ORC4: variants seen among roughly 807,000 people sequenced by gnomAD.
ORC4 encodes origin recognition complex subunit 4, also known as origin recognition complex, subunit 4 homolog.
Under a neutral mutation model 63.9 loss-of-function variants are expected in ORC4, and 55 were observed. The observed-to-expected ratio is 0.86, with a 90% CI of 0.69 to 1.08. ORC4 has a LOEUF of 1.08. Ranked by LOEUF, ORC4 falls within the 50% of genes least tolerant of loss-of-function variation. ORC4 has a pLI of 0.00. For missense variants in ORC4, 511 were observed against 504.4 expected, an observed-to-expected ratio of 1.01 and a Z score of -0.13; for synonymous variants, 150 against 168.5, an observed-to-expected ratio of 0.89 and a Z score of 0.85.
In ORC4 at chr2:147,932,973, G is replaced by GT. The variant is rs1457011374; in HGVS notation, c.*2536dup. 6.6e-6 allele frequency: 1 copy of GT among 152,112 alleles called. No individual in the cohort carries two copies. The highest frequency in any genetic ancestry group is 1.5e-5 in the Non-Finnish European group (1 of 67,998). 9.4% of individuals were successfully genotyped at this position (152,112 alleles called of 1,614,324 possible). A position where few individuals can be genotyped will look rare whatever the true frequency, so the allele number is the denominator to read the frequency against. On this transcript the variant is annotated 3_prime_UTR_variant, in exon 14 of 14. Transcript: ENST00000392857. ...TCAACATATACAGCATTATGATACA[G>GT]TAAGTTTGGACCAAACAGGTATTCA... is the stretch of plus-strand genomic sequence containing the variant.
rs1242096622 is a variant in ORC4 at position 147,987,411 on chromosome 2, C to CAG, written c.-17-11437_-17-11436insCT. 2.3e-3 allele frequency among the ~76,000 whole-genome samples: 339 copies of CAG among 146,640 alleles called. 2 individuals carry two copies. The highest frequency in any genetic ancestry group is 3.6e-3 in the Non-Finnish European group (242 of 66,592). Reference sequence around the variant, plus strand: ...ATATATACACACACACACACACACACAAAAAGTAACATATTTTAAATTATT... The same window carrying CAG: ...ATATATACACACACACACACACACACAGAAAAAGTAACATATTTTAAATTATT... On this transcript the variant is annotated intron_variant, in intron 1 of 13. Coordinates refer to ENST00000392857, the MANE Select transcript of ORC4 (RefSeq NM_181741.4).
chr2:147,990,964 G>A (rs542554066), intron 1 of ORC4, among the ~76,000 whole-genome samples: 1 of 151,918 alleles, frequency 6.6e-6, no homozygotes, highest in African/African-American at 2.4e-5. Flanking sequence ...ATGGCAGTAT[G>A]TCTGGAATCA....
chr2:147,995,902 A>T (rs555972095), intron 1 of ORC4, among the ~76,000 whole-genome samples: 1 of 152,258 alleles, frequency 6.6e-6, no homozygotes, highest in South Asian at 2.1e-4. Context: ...CGGGAAGCTG[A>T]AGCAGGAGAA....
intron 8 of ORC4, among the ~76,000 whole-genome samples, chr2:147,948,905 C>A (rs1688800647): frequency 1.3e-5 from 2 of 149,402 alleles, no homozygotes. Context: ...AGCTGTCTTC[C>A]TAAGTCACAT....
At chr2:147,937,827 C>T in intron 13 of ORC4, 1 of 295,242 alleles carries the variant, frequency 3.4e-6, no homozygotes, top group Non-Finnish European at 6.4e-6. Context: ...TTGTTTTCTC[C>T]TTTTACTGCT....
Position 147,938,289 on chromosome 2 carries a change from T to A in ORC4, c.1054+9A>T. On this transcript the variant is annotated intron_variant, in intron 12 of 13. Coordinates refer to ENST00000392857, the MANE Select transcript of ORC4 (RefSeq NM_181741.4). ...GAGTCAGAAAAAAGCTACTTAAGTCTCATCTCACCATTATAGACCATTTGA... is the reference window on the plus strand; with the variant it reads ...GAGTCAGAAAAAAGCTACTTAAGTCACATCTCACCATTATAGACCATTTGA... 1 of 1,594,622 alleles carries A rather than the reference T, an allele frequency of 6.3e-7. No individual in the cohort carries two copies. The highest frequency in any genetic ancestry group is 1.1e-5 in the South Asian group (1 of 90,638).
At chr2:147,979,954 T>C (rs927393800) in intron 1 of ORC4, among the ~76,000 whole-genome samples, 1 of 151,970 alleles carries the variant, frequency 6.6e-6, no homozygotes, top group Non-Finnish European at 1.5e-5. Context: ...ACATAAGACC[T>C]GAAACATAGG....
chr2:148,018,703 T>A (rs564773528), intron 1 of ORC4, among the ~76,000 whole-genome samples: 2 of 152,310 alleles, frequency 1.3e-5, no homozygotes, highest in Admixed American at 1.3e-4. Context: ...TCCACTTACA[T>A]ACAATTAAGA....
intron 9 of ORC4, 98 bp from the exon 10 acceptor site, chr2:147,943,620 C>T: frequency 1.4e-6 from 1 of 695,672 alleles, no homozygotes; most frequent in Admixed American, 2.4e-5. Flanking sequence ...ACCTTAGTAA[C>T]TCTATCTAAT....
chr2:147,944,953 T>C (rs919390144), intron 9 of ORC4, among the ~76,000 whole-genome samples: 1 of 152,032 alleles, frequency 6.6e-6, no homozygotes, highest in African/African-American at 2.4e-5. Context: ...CACGGTAGAA[T>C]ATCCTTGGAA....
chr2:147,944,237 G>T (rs1168111289), intron 9 of ORC4, among the ~76,000 whole-genome samples: 2 of 152,012 alleles, frequency 1.3e-5, no homozygotes, highest in East Asian at 3.9e-4. Flanking sequence ...CATGATCTAT[G>T]GGAAACAAAA....
In ORC4 at chr2:147,932,439, G is replaced by A. The variant is rs1477907681; in HGVS notation, c.*3071C>T. 1 of 152,048 alleles carries A rather than the reference G, an allele frequency of 6.6e-6. No individual in the cohort carries two copies. Among genetic ancestry groups the A allele is most frequent in the Non-Finnish European group, 1.5e-5 (1 of 68,012 alleles). 9.4% of individuals were successfully genotyped at this position (152,048 alleles called of 1,614,324 possible). ...CAAGCTACCAATGACTTTCTTCACA[G>A]AATTGGAAAAAACTACTTAAGTTCA... On this transcript the variant is annotated 3_prime_UTR_variant, in exon 14 of 14. Transcript: ENST00000392857.
rs577768202 is a variant in ORC4 at position 147,931,077 on chromosome 2, A to T, written c.*4433T>A. 6.9e-6 allele frequency: 1 copy of T among 144,928 alleles called. No individual in the cohort carries two copies. The highest frequency in any genetic ancestry group is 1.5e-5 in the Non-Finnish European group (1 of 66,074). The allele number at this position is 144,928 out of a possible 1,614,324, so 9.0% of individuals were successfully genotyped here. A position where few individuals can be genotyped will look rare whatever the true frequency, so the allele number is the denominator to read the frequency against. ...TGTGTCCATGTGATCTCATTGTTCA[A>T]TTCCCACCTATGAGTGAGAATATGC... On this transcript the variant is annotated 3_prime_UTR_variant, in exon 14 of 14. Transcript: ENST00000392857.
At chr2:147,990,777 G>A (rs549325957) in intron 1 of ORC4, among the ~76,000 whole-genome samples, 3 of 152,150 alleles carry the variant, frequency 2.0e-5, no homozygotes, top group Non-Finnish European at 4.4e-5. Context: ...TCCAAGGTTT[G>A]ATAACCTTTA....
chr2:147,968,073 T>A (rs1690001058), intron 4 of ORC4, among the ~76,000 whole-genome samples: 1 of 152,026 alleles, frequency 6.6e-6, no homozygotes, highest in South Asian at 2.1e-4. Context: ...CAATAAATGG[T>A]GCTGAGAAAA....
At chr2:147,944,547 A>C (rs1322691370) in intron 9 of ORC4, among the ~76,000 whole-genome samples, 1 of 152,058 alleles carries the variant, frequency 6.6e-6, no homozygotes, top group Non-Finnish European at 1.5e-5. Flanking sequence ...TGACTGCAGT[A>C]ATTAGGGTTG....
intron 1 of ORC4, among the ~76,000 whole-genome samples, chr2:148,004,400 G>A (rs1365263377): frequency 6.6e-6 from 1 of 152,094 alleles, no homozygotes; most frequent in Non-Finnish European, 1.5e-5. Flanking sequence ...GCATAGTACT[G>A]GTACCAAAAC....
At chr2:147,954,006 T>C (rs1334536070) in intron 7 of ORC4, among the ~76,000 whole-genome samples, 1 of 151,760 alleles carries the variant, frequency 6.6e-6, no homozygotes, top group Non-Finnish European at 1.5e-5. Flanking sequence ...GTCAGATCCC[T>C]ACTTTACAGG....
chr2:147,964,741 C>T (rs1008277806), intron 4 of ORC4, among the ~76,000 whole-genome samples: 1 of 152,124 alleles, frequency 6.6e-6, no homozygotes, highest in Non-Finnish European at 1.5e-5. Context: ...TAGATTTCTT[C>T]TTCTTTATAG....
Sources: allele counts gnomAD v4.1 joint callset (sites outside exome capture counted in the v4.1 genomes callset), GRCh38; gene constraint gnomAD v4.1.1; transcripts MANE v1.5; gene names NCBI Gene and HGNC (gene_info 2026-07-23, HGNC 2026-07-21).